ASAP1: variants seen among roughly 807,000 people sequenced by gnomAD.
ASAP1 encodes arf-GAP with SH3 domain, ANK repeat and PH domain-containing protein 1.
ASAP1 carries 43 observed loss-of-function variants against 145.2 expected under a neutral mutation model. The observed-to-expected ratio is 0.30, with a 90% confidence interval of 0.23 to 0.38. ASAP1 has a LOEUF of 0.38. Among genes scored for constraint, ASAP1 ranks in the 10% least tolerant of loss-of-function variants. ASAP1 has a pLI of 1.00. For synonymous variants in ASAP1, 546 were observed against 515.5 expected (o/e 1.06, Z -0.80); for missense variants, 1,018 against 1,355.3 (o/e 0.75, Z 3.91).
chr8:130,079,392 G>T (rs754760268), intron 26 of ASAP1, among the ~76,000 whole-genome samples: 2 of 151,904 alleles, frequency 1.3e-5, no homozygotes, highest in African/African-American at 4.8e-5. Context: ...GTGAAAAAAG[G>T]GAAGAAAAGA....
At chr8:130,087,810 C>T (rs924665797) in intron 25 of ASAP1, among the ~76,000 whole-genome samples, 1 of 152,186 alleles carries the variant, frequency 6.6e-6, no homozygotes, top group Admixed American at 6.5e-5. Context: ...ACAACTATTA[C>T]CCCCAAATCT....
chr8:130,346,008 T>C (rs192456512), intron 3 of ASAP1, among the ~76,000 whole-genome samples: 5 of 152,234 alleles, frequency 3.3e-5, no homozygotes, highest in African/African-American at 1.2e-4. Context: ...TTGGTAGGCA[T>C]ATATATAAAG....
At chr8:130,262,463 T>G (rs1819995032) in intron 3 of ASAP1, among the ~76,000 whole-genome samples, 1 of 133,680 alleles carries the variant, frequency 7.5e-6, no homozygotes, top group Non-Finnish European at 1.6e-5. Context: ...AGAGAACCTG[T>G]GGAATTTCAG....
intron 5 of ASAP1, among the ~76,000 whole-genome samples, chr8:130,188,688 C>CA (rs1204872553): frequency 2.0e-5 from 2 of 98,890 alleles, no homozygotes; most frequent in Non-Finnish European, 4.3e-5. Flanking sequence ...GAGCCGAGAT[C>CA]ACCACTGCAT....
chr8:130,443,336 G>C (rs530836041), intron 1 of ASAP1, 124 bp downstream of exon 1: 2 of 151,768 alleles, frequency 1.3e-5, no homozygotes, highest in African/African-American at 2.4e-5. Flanking sequence ...GAGAGGAGCC[G>C]GGAGCCCGCC....
chr8:130,208,621 T>C (rs1289484596), intron 5 of ASAP1: 1 of 152,194 alleles, frequency 6.6e-6, no homozygotes, highest in African/African-American at 2.4e-5. Flanking sequence ...CAAAAGATCT[T>C]GCACGTACTT....
At chr8:130,094,515 A>T (rs1038568649) in intron 24 of ASAP1, among the ~76,000 whole-genome samples, 10 of 146,636 alleles carry the variant, frequency 6.8e-5, no homozygotes, top group South Asian at 2.1e-4. Context: ...GTCTAAATTT[A>T]AAAAAAAAAA....
At chr8:130,088,372 C>T (rs1564944678) in intron 25 of ASAP1, among the ~76,000 whole-genome samples, 1 of 152,092 alleles carries the variant, frequency 6.6e-6, no homozygotes, top group Non-Finnish European at 1.5e-5. Flanking sequence ...TCAAGTGATC[C>T]GCCCGCCTTG....
At chr8:130,138,443 A>G (rs1371555299) in intron 13 of ASAP1, among the ~76,000 whole-genome samples, 2 of 152,190 alleles carry the variant, frequency 1.3e-5, no homozygotes, top group Non-Finnish European at 2.9e-5. Context: ...GAATTTTGCC[A>G]AAGAGGAAAC....
intron 3 of ASAP1, among the ~76,000 whole-genome samples, chr8:130,319,632 C>T (rs968460900): frequency 6.6e-6 from 1 of 152,126 alleles, no homozygotes; most frequent in Non-Finnish European, 1.5e-5. Flanking sequence ...TGTTCAAAAG[C>T]CCTAGACCCA....
At chr8:130,143,825 G>A (rs6984815) in intron 13 of ASAP1, among the ~76,000 whole-genome samples, 43,327 of 152,076 alleles carry the variant, frequency 0.28, 6,557 homozygotes, top group African/African-American at 0.34. Flanking sequence ...GTGTAAAGTT[G>A]TTAGCACAGG....
intron 3 of ASAP1, among the ~76,000 whole-genome samples, chr8:130,331,699 C>G (rs1824701382): frequency 6.6e-6 from 1 of 152,032 alleles, no homozygotes; most frequent in African/African-American, 2.4e-5. Context: ...AGGTGCCAAG[C>G]CCTCAAAATC....
chr8:130,204,074 T>G (rs1474114079), intron 5 of ASAP1, among the ~76,000 whole-genome samples: 1 of 152,104 alleles, frequency 6.6e-6, no homozygotes, highest in Non-Finnish European at 1.5e-5. Context: ...CTGTGGCTTG[T>G]TAGGAACCAG....
At chr8:130,144,778 A>G (rs139707749) in intron 13 of ASAP1, among the ~76,000 whole-genome samples, 7 of 152,154 alleles carry the variant, frequency 4.6e-5, no homozygotes, top group African/African-American at 1.7e-4. Flanking sequence ...AATTCCCTTA[A>G]CCCTCCCAAC....
chr8:130,140,537 A>G (rs973401763), intron 13 of ASAP1, among the ~76,000 whole-genome samples: 2 of 151,868 alleles, frequency 1.3e-5, no homozygotes, highest in Non-Finnish European at 2.9e-5. Flanking sequence ...CTCACCTCTC[A>G]TTTCTAAGCA....
At chr8:130,324,434 A>T (rs992335260) in intron 3 of ASAP1, among the ~76,000 whole-genome samples, 2 of 152,178 alleles carry the variant, frequency 1.3e-5, no homozygotes, top group Non-Finnish European at 2.9e-5. Flanking sequence ...ACTTGCAAAG[A>T]AGTAATTTTT....
intron 14 of ASAP1, among the ~76,000 whole-genome samples, chr8:130,136,128 T>C (rs1012372505): frequency 1.3e-5 from 2 of 152,186 alleles, no homozygotes; most frequent in Non-Finnish European, 2.9e-5. Context: ...GTCACTTCAA[T>C]GGCACTGTCA....
intron 17 of ASAP1, 119 bp downstream of exon 17, chr8:130,125,837 C>G: frequency 9.2e-7 from 1 of 1,089,910 alleles, no homozygotes; most frequent in Non-Finnish European, 1.3e-6. Flanking sequence ...CGCAAACTCA[C>G]AAAATTCAGG....
chr8:130,127,159 G>A (rs1213509765), intron 16 of ASAP1, among the ~76,000 whole-genome samples: 3 of 152,302 alleles, frequency 2.0e-5, no homozygotes, highest in South Asian at 2.1e-4. Flanking sequence ...GGGAAGGTGT[G>A]GCTGAGTAGG....
Sources: allele counts gnomAD v4.1 joint callset (sites outside exome capture counted in the v4.1 genomes callset), GRCh38; gene constraint gnomAD v4.1.1; transcripts MANE v1.5; gene names NCBI Gene and HGNC (gene_info 2026-07-23, HGNC 2026-07-21).